The following EXOC6B variants were observed in gnomAD, a reference collection of about 807,000 sequenced individuals.
EXOC6B encodes SEC15 homolog B.
In EXOC6B, 54 loss-of-function variants were observed where a neutral mutation model predicts 113.5. The ratio of observed to expected loss-of-function variants is 0.48; its 90% CI spans 0.38 to 0.60. EXOC6B has a LOEUF of 0.60. Among genes scored for constraint, EXOC6B ranks in the 20% least tolerant of loss-of-function variants. The probability of loss-of-function intolerance (pLI) is 0.00; values close to 1 mark genes in which losing one functional copy is unlikely to be tolerated. For synonymous variants in EXOC6B, 357 were observed against 339.0 expected (o/e 1.05, Z -0.58); for missense variants, 797 against 977.5 (o/e 0.82, Z 2.46).
At chr2:72,233,007 G>A (rs1447702936) in intron 20 of EXOC6B, among the ~76,000 whole-genome samples, 2 of 151,816 alleles carry the variant, frequency 1.3e-5, no homozygotes, top group East Asian at 3.9e-4. Context: ...GGGAGGTGGA[G>A]GTTTCAGTGA....
At chr2:72,463,998 C>G (rs960051713) in intron 18 of EXOC6B, 1 of 152,186 alleles carries the variant, frequency 6.6e-6, no homozygotes, top group Non-Finnish European at 1.5e-5. Context: ...TCTCTGAAGT[C>G]TCTTTTATAA....
intron 20 of EXOC6B, among the ~76,000 whole-genome samples, chr2:72,253,800 T>C (rs1483050179): frequency 6.6e-6 from 1 of 152,044 alleles, no homozygotes; most frequent in Non-Finnish European, 1.5e-5. Context: ...CCCTATGACA[T>C]GCAATTTACC....
chr2:72,804,842 C>T (rs1685493744), intron 1 of EXOC6B, among the ~76,000 whole-genome samples: 1 of 152,038 alleles, frequency 6.6e-6, no homozygotes, highest in South Asian at 2.1e-4. Flanking sequence ...AGTGATCCAC[C>T]CGCCTTGGCC....
At chr2:72,792,631 T>C (rs549197782) in intron 1 of EXOC6B, among the ~76,000 whole-genome samples, 7 of 152,338 alleles carry the variant, frequency 4.6e-5, no homozygotes, top group South Asian at 2.1e-4. Context: ...GTATTTTATA[T>C]AGTTTATCTC....
At chr2:72,552,587 G>A (rs936738139) in intron 8 of EXOC6B, among the ~76,000 whole-genome samples, 6 of 151,908 alleles carry the variant, frequency 3.9e-5, no homozygotes, top group Non-Finnish European at 8.8e-5. Flanking sequence ...TTTCAGGGCT[G>A]TATTACATAT....
At chr2:72,250,791 G>GA (rs1212903955) in intron 20 of EXOC6B, among the ~76,000 whole-genome samples, 2 of 151,332 alleles carry the variant, frequency 1.3e-5, no homozygotes, top group Non-Finnish European at 2.9e-5. Context: ...TTTGTTTCCT[G>GA]AAGATAAAAG....
At chr2:72,240,515 T>C (rs1325104349) in intron 20 of EXOC6B, among the ~76,000 whole-genome samples, 2 of 152,194 alleles carry the variant, frequency 1.3e-5, no homozygotes, top group Non-Finnish European at 2.9e-5. Flanking sequence ...GAATGACCTA[T>C]ATATATTCCA....
intron 19 of EXOC6B, among the ~76,000 whole-genome samples, chr2:72,371,098 A>T (rs1690986744): frequency 6.6e-6 from 1 of 151,992 alleles, no homozygotes; most frequent in African/African-American, 2.4e-5. Flanking sequence ...TGTGTCTTGG[A>T]TACCAGTTCA....
intron 6 of EXOC6B, among the ~76,000 whole-genome samples, chr2:72,665,925 A>C (rs1445970628): frequency 6.6e-6 from 1 of 152,196 alleles, no homozygotes; most frequent in Admixed American, 6.5e-5. Context: ...ACCCAATTAT[A>C]TGCTCTCTTC....
intron 8 of EXOC6B, among the ~76,000 whole-genome samples, chr2:72,518,793 G>A (rs911848471): frequency 7.2e-5 from 11 of 152,056 alleles, no homozygotes; most frequent in African/African-American, 2.4e-4. Context: ...GTACTGTAGC[G>A]ACCATAAGAG....
At chr2:72,455,187 T>C (rs1697146440) in intron 18 of EXOC6B, among the ~76,000 whole-genome samples, 1 of 152,206 alleles carries the variant, frequency 6.6e-6, no homozygotes. Context: ...TTCTTTATTT[T>C]GTTCCAGAGA....
At chr2:72,586,728 G>A (rs559016080) in intron 6 of EXOC6B, among the ~76,000 whole-genome samples, 5 of 152,022 alleles carry the variant, frequency 3.3e-5, no homozygotes, top group Admixed American at 3.3e-4. Flanking sequence ...CGCTAGCCTG[G>A]CGGCAGAGCA....
At position 72,334,986 on chromosome 2, in the gene EXOC6B, C is replaced by T. The variant is rs1688609297; in HGVS notation, c.2157G>A (p.Gln719=). 3.1e-6 allele frequency: 5 copies of T among 1,613,318 alleles called. No individual in the cohort carries two copies. The highest frequency in any genetic ancestry group is 1.3e-5 in the African/African-American group (1 of 74,864). Residue 719 remains glutamine (Q), a synonymous_variant, in exon 20 of 22, where the codon CAG becomes CAA. Transcript: ENST00000272427. ...TGAAGGCCAACTGCAGCGTGTCCTC[C>T]TGGAACCCAGGCACCGGGCCGGATC... ...FARSGPVPGF[Q]EDTLQLAFID... is the part of the protein sequence containing the mutation.
intron 6 of EXOC6B, among the ~76,000 whole-genome samples, chr2:72,699,277 A>C (rs900992473): frequency 6.6e-6 from 1 of 152,184 alleles, no homozygotes; most frequent in Non-Finnish European, 1.5e-5. Flanking sequence ...CAGGAGTTCA[A>C]GAACAGCCTG....
chr2:72,256,976 T>A (rs1425127790), intron 20 of EXOC6B, among the ~76,000 whole-genome samples: 1 of 152,198 alleles, frequency 6.6e-6, no homozygotes, highest in Non-Finnish European at 1.5e-5. Flanking sequence ...GGGCATGGAA[T>A]TTGGGCCTAA....
chr2:72,743,586 C>A (rs1273336326), intron 1 of EXOC6B, among the ~76,000 whole-genome samples: 3 of 152,178 alleles, frequency 2.0e-5, no homozygotes, highest in Admixed American at 2.0e-4. Flanking sequence ...ATCTCCGCCT[C>A]CCCACAACCC....
At chr2:72,677,357 C>G (rs1321519701) in intron 6 of EXOC6B, among the ~76,000 whole-genome samples, 1 of 151,884 alleles carries the variant, frequency 6.6e-6, no homozygotes, top group Non-Finnish European at 1.5e-5. Context: ...ATGGTGAAAC[C>G]CTATCTTTAT....
At chr2:72,631,494 AGAGAGAGAGAGAGAGAGAGAGAGAG>A (rs1672461975) in intron 6 of EXOC6B, among the ~76,000 whole-genome samples, 1 of 130,024 alleles carries the variant, frequency 7.7e-6, no homozygotes, top group East Asian at 2.2e-4. Flanking sequence ...AGAGAGAGAG[AGAGAGAGAGAGAGAGAGAGAGAGAG>A]AGAAAGACAA....
chr2:72,817,988 T>C (rs1024606001), intron 1 of EXOC6B, among the ~76,000 whole-genome samples: 1 of 152,152 alleles, frequency 6.6e-6, no homozygotes, highest in Non-Finnish European at 1.5e-5. Context: ...GTCATTGTTT[T>C]TGAGACAGAG....
Sources: gnomAD v4.1 joint callset for allele counts (sites outside exome capture counted in the v4.1 genomes callset) on GRCh38, gnomAD v4.1.1 for gene constraint, MANE v1.5 for transcripts, NCBI Gene and HGNC (gene_info 2026-07-23, HGNC 2026-07-21) for gene names.